Variants in BTBD17 observed in about 807,000 individuals in gnomAD.
BTBD17 encodes BTB/POZ domain-containing protein 17.
A neutral mutation model predicts 36.9 loss-of-function variants in BTBD17; 26 were observed. The ratio of observed to expected loss-of-function variants is 0.70; its 90% CI spans 0.52 to 0.98. The LOEUF (loss-of-function observed/expected upper bound fraction) is 0.98. Ranked by LOEUF, BTBD17 falls within the 50% of genes least tolerant of loss-of-function variation. The probability of loss-of-function intolerance (pLI) is 0.00; values close to 1 mark genes in which losing one functional copy is unlikely to be tolerated. For synonymous variants in BTBD17, 341 were observed against 338.0 expected, an observed-to-expected ratio of 1.01 and a Z score of -0.10; for missense variants, 630 against 691.3, an observed-to-expected ratio of 0.91 and a Z score of 0.99.
At chr17:74,360,352 A>T (rs2054930039) in intron 1 of BTBD17, 107 bp from the exon 2 acceptor site, 1 of 1,221,484 alleles carries the variant, frequency 8.2e-7, no homozygotes, top group African/African-American at 1.5e-5. Context: ...GTGTGAGCAG[A>T]GGGCAAGGTG....
upstream of BTBD17, chr17:74,361,947 C>G (rs2054943298): frequency 1.5e-6 from 1 of 684,860 alleles, no homozygotes; most frequent in Admixed American, 2.7e-5. Context: ...GCCTCCCTCC[C>G]CCACTCAGCC....
chr17:74,357,293 C>T lies in BTBD17; in HGVS notation c.801G>A (p.Gln267=), dbSNP rs1381880960. ...YPMIPPAQLF[Q]LQARSAALAR... ...CCAGGGCTGCCGAGCGCGCCTGCAG[C>T]TGGAACAGCTGTGCCGGTGGGATCA... The change falls in exon 3 of 3, where the codon CAG becomes CAA. Residue 267 remains glutamine, a synonymous_variant. Transcript: ENST00000375366. This position sits in a 1 kb window ranked among gnomAD's most constrained non-coding sequence, Gnocchi z 8.4. 1.9e-6 allele frequency: 3 copies of T among 1,557,010 alleles called. No homozygotes were observed. The East Asian group carries it at 7.4e-5, about 38-fold the overall frequency.
chr17:74,360,512 G>A (rs111549664), intron 1 of BTBD17, among the ~76,000 whole-genome samples: 1 of 152,204 alleles, frequency 6.6e-6, no homozygotes, highest in Non-Finnish European at 1.5e-5. Flanking sequence ...CAGGCAGGGG[G>A]AGGTTGTGCT....
rs765973647 is a variant in BTBD17, at chr17:74,361,829, C to T, written c.-10G>A. 2 of 1,612,442 alleles carry T rather than the reference C, an allele frequency of 1.2e-6. No individual in the cohort carries two copies. Among genetic ancestry groups the T allele is most frequent in the Non-Finnish European group, 1.7e-6 (2 of 1,178,762 alleles). On this transcript the variant is annotated 5_prime_UTR_variant, in exon 1 of 3. Transcript: ENST00000375366. ...AGCCTCTCCTAGGCATCTTTATGCT[C>T]AGCCCCCAAGTCCACTGGAGGGACG...
chr17:74,358,744 G>A (rs1002344105), intron 2 of BTBD17, among the ~76,000 whole-genome samples: 11 of 151,934 alleles, frequency 7.2e-5, no homozygotes, highest in South Asian at 4.2e-4. Context: ...ACACGGCACC[G>A]CACTTGCCTC....
At chr17:74,361,260 G>A (rs1347097116) in intron 1 of BTBD17, among the ~76,000 whole-genome samples, 4 of 152,260 alleles carry the variant, frequency 2.6e-5, no homozygotes, top group African/African-American at 9.6e-5. Flanking sequence ...GAGCCTCGCA[G>A]AGGGAGGCGG....
At chr17:74,361,711 G>A (rs780983417) in intron 1 of BTBD17, 24 bp downstream of exon 1, 32 of 1,599,888 alleles carry the variant, frequency 2.0e-5, no homozygotes, top group East Asian at 4.5e-5. Context: ...ACCCTGCCCC[G>A]CACCTGGCCC....
chr17:74,357,603 C>T lies in BTBD17; in HGVS notation c.491G>A (p.Gly164Glu), dbSNP rs201577547. ...CCAGCCCACCGCCGGGCCCGCGCCT[C>T]CCGCCAGGTGCGCGCGCATGTAGTC... ...VADYMRAHLA[G>E]GAGPAVGWYH... The change falls in exon 3 of 3, where the codon GGA (glycine) becomes GAA (glutamate). Residue 164 changes from glycine (G) to glutamate (E), a missense_variant. Transcript: ENST00000375366. This position sits in a 1 kb window ranked among gnomAD's most constrained non-coding sequence, Gnocchi z 8.4. 2.8e-3 allele frequency: 4,413 copies of T among 1,550,304 alleles called. 15 individuals are homozygous for T. Among genetic ancestry groups the T allele is most frequent in the South Asian group, 4.1e-3 (344 of 84,814 alleles).
At chr17:74,362,206 A>G (rs777293196), upstream of BTBD17, among the ~76,000 whole-genome samples, 28 of 152,186 alleles carry the variant, frequency 1.8e-4, no homozygotes, top group Non-Finnish European at 3.5e-4. Context: ...GAGGGTCCCC[A>G]GTTCCCTCCC....
rs1444731395 is a variant in BTBD17 at position 74,360,562 on chromosome 17, G to A, written c.86-317C>T. On this transcript the variant is annotated intron_variant, in intron 1 of 2. Coordinates refer to ENST00000375366, the MANE Select transcript of BTBD17 (RefSeq NM_001080466.2). ...CATGCCCAGAACTCATCTCCATGCT[G>A]CCAGCCCCCCAGGCAAGGGTTGAGG... Among the ~76,000 whole-genome samples, 7 of 152,194 alleles carry A rather than the reference G, an allele frequency of 4.6e-5. 1 individual carries two copies. The highest frequency in any genetic ancestry group is 8.8e-5 in the Non-Finnish European group (6 of 68,036).
upstream of BTBD17, among the ~76,000 whole-genome samples, chr17:74,362,976 G>A (rs1265840083): frequency 6.6e-6 from 1 of 151,788 alleles, no homozygotes; most frequent in Non-Finnish European, 1.5e-5. Context: ...ATGTGTGTGT[G>A]TGTGTGTGTG....
At position 74,357,494 on chromosome 17, in the gene BTBD17, C is replaced by T; in HGVS notation, c.600G>A (p.Ala200=). Residue 200 remains alanine, a synonymous_variant, in exon 3 of 3, where the codon GCG becomes GCA. Coordinates refer to ENST00000375366, the MANE Select transcript of BTBD17 (RefSeq NM_001080466.2). The surrounding 1 kb of genome is among the most constrained non-coding windows in gnomAD (Gnocchi z 8.4). The part of the protein sequence containing the change: ...QFLAWNLSAV[A]ASTEWGAVSP... ...TCACGGCGCCCCACTCGGTGCTGGC[C>T]GCCACGGCCGACAGGTTCCAGGCCA... 6.4e-7 allele frequency: 1 copy of T among 1,567,796 alleles called. No homozygotes were observed. Among genetic ancestry groups the T allele is most frequent in the Non-Finnish European group, 8.6e-7 (1 of 1,165,288 alleles).
Position 74,356,605 on chromosome 17 carries a change from C to T in BTBD17, c.*52G>A. ...CCACCTCCAGGCTCGCCTTGCCCTT[C>T]CCAGACCCACAGGGACCACCTAGGC... On this transcript the variant is annotated 3_prime_UTR_variant, in exon 3 of 3. Transcript: ENST00000375366. This position sits in a 1 kb window ranked among gnomAD's most constrained non-coding sequence, Gnocchi z 4.3. The T allele has an allele frequency of 7.1e-7, 1 of 1,402,010 alleles. No individual in the cohort carries two copies. Among genetic ancestry groups the T allele is most frequent in the Non-Finnish European group, 9.3e-7 (1 of 1,073,690 alleles). The allele number at this position is 1,402,010 out of a possible 1,614,324, so 86.8% of individuals were successfully genotyped here. A position where few individuals can be genotyped will look rare whatever the true frequency, so the allele number is the denominator to read the frequency against.
chr17:74,362,973 T>C (rs1308705935), upstream of BTBD17, among the ~76,000 whole-genome samples: 11 of 151,430 alleles, frequency 7.3e-5, no homozygotes, highest in African/African-American at 2.2e-4. Flanking sequence ...CGCATGTGTG[T>C]GTGTGTGTGT....
chr17:74,359,864 T>C (rs2054924614), intron 2 of BTBD17, 105 bp downstream of exon 2: 1 of 1,146,972 alleles, frequency 8.7e-7, no homozygotes, highest in Non-Finnish European at 1.2e-6. Flanking sequence ...TCCGGGGAAA[T>C]GGACATAACA....
chr17:74,359,366 T>A (rs2054921042), intron 2 of BTBD17, among the ~76,000 whole-genome samples: 1 of 148,520 alleles, frequency 6.7e-6, no homozygotes, highest in Non-Finnish European at 1.5e-5. Flanking sequence ...TTTGTTTGTT[T>A]GGTTGGTTGG....
chr17:74,357,577 A>G lies in BTBD17; in HGVS notation c.517T>C (p.Tyr173His). 2 of 1,551,756 alleles carry G rather than the reference A, an allele frequency of 1.3e-6. No homozygotes were observed. The highest frequency in any genetic ancestry group is 1.2e-5 in the South Asian group (1 of 85,288). ...TCCCCGGTGCCCACCGCGTAGTGGT[A>G]CCAGCCCACCGCCGGGCCCGCGCCT... ...AGGAGPAVGW[Y>H]HYAVGTGDEA... The change falls in exon 3 of 3, where the codon TAC becomes CAC. Residue 173 changes from tyrosine (Y) to histidine (H), a missense_variant. Tyr to His is a moderately conservative substitution (Grantham distance 83). Transcript: ENST00000375366. The surrounding 1 kb of genome is among the most constrained non-coding windows in gnomAD (Gnocchi z 8.4).
At chr17:74,359,516 T>G (rs1331904357) in intron 2 of BTBD17, among the ~76,000 whole-genome samples, 1 of 152,110 alleles carries the variant, frequency 6.6e-6, no homozygotes, top group Non-Finnish European at 1.5e-5. Context: ...GCCTCCCAAA[T>G]AGCTGGGATT....
upstream of BTBD17, among the ~76,000 whole-genome samples, chr17:74,363,260 C>T (rs2054952142): frequency 6.6e-6 from 1 of 152,164 alleles, no homozygotes; most frequent in African/African-American, 2.4e-5. Context: ...GCAGAGAGAG[C>T]AAGAACTGGG....
Sources: gnomAD v4.1 joint callset for allele counts (sites outside exome capture counted in the v4.1 genomes callset) on GRCh38, gnomAD v4.1.1 for gene constraint, Gnocchi (gnomAD v3.1) non-coding constraint, MANE v1.5 for transcripts, NCBI Gene and HGNC (gene_info 2026-07-23, HGNC 2026-07-21) for gene names.